F8: variants seen among roughly 807,000 people sequenced by gnomAD.
F8 encodes the protein antihemophilic factor.
F8 carries 12 observed loss-of-function variants against 140.6 expected under a neutral mutation model. The observed-to-expected ratio is 0.09, with a 90% CI of 0.05 to 0.14. F8 has a LOEUF of 0.14. F8 is among the 10% of genes least tolerant of loss of function. The pLI is 1.00. For missense variants in F8, 1,354 were observed against 1,720.7 expected (o/e 0.79, Z 3.77); for synonymous variants, 585 against 614.6 (o/e 0.95, Z 0.71).
Position 154,972,707 on chromosome X carries a change from C to CTTTTTTTTTTTT in F8, c.788-3167_788-3156dup, listed in dbSNP as rs1184930129. Among the ~76,000 whole-genome samples, 26 of 55,281 alleles carry CTTTTTTTTTTTT rather than the reference C, an allele frequency of 4.7e-4. 2 individuals are homozygous for CTTTTTTTTTTTT. Among genetic ancestry groups the CTTTTTTTTTTTT allele is most frequent in the African/African-American group, 6.1e-4 (9 of 14,660 alleles). 48.0% of individuals were successfully genotyped at this position (55,281 alleles called of 115,157 possible). On this transcript the variant is annotated intron_variant, in intron 6 of 25. Transcript: ENST00000360256. ...GTTCTTTTCTTTTCTTTCTGTCTTT[C>CTTTTTTTTTTTT]TTTTTTTTTTTTTTTTTTTTTTTTT...
At chrX:154,982,464 AAT>A (rs782606425) in intron 6 of F8, among the ~76,000 whole-genome samples, 402 of 83,378 alleles carry the variant, frequency 4.8e-3, no homozygotes, top group African/African-American at 0.017. Context: ...AAAAAAAAAA[AAT>A]ATATATATAT....
chrX:154,913,033 A>T (rs1180652224), intron 14 of F8, among the ~76,000 whole-genome samples: 1 of 110,997 alleles, frequency 9.0e-6, no homozygotes, highest in Non-Finnish European at 1.9e-5. Flanking sequence ...ATGAAATGTA[A>T]GGCAAAAATT....
chrX:154,975,308 C>A (rs1398489908), intron 6 of F8, among the ~76,000 whole-genome samples: 1 of 111,836 alleles, frequency 8.9e-6, no homozygotes, highest in Non-Finnish European at 1.9e-5. Flanking sequence ...AATTTTTTAA[C>A]TTCTCCTTTA....
chrX:154,930,169 G>C lies in F8; in HGVS notation c.3621C>G (p.His1207Gln). 6 of 1,204,493 alleles carry C rather than the reference G, an allele frequency of 5.0e-6. No individual in the cohort carries two copies. Among genetic ancestry groups the C allele is most frequent in the Non-Finnish European group, 6.7e-6 (6 of 892,317 alleles). The change falls in exon 14 of 26, where the codon CAC (histidine) becomes CAG (glutamine). Residue 1207 changes from histidine to glutamine, a missense_variant. By Grantham distance (24) the His-to-Gln change is conservative. Coordinates refer to ENST00000360256, the MANE Select transcript of F8 (RefSeq NM_000132.4). ...CTTCCTGAATTTTTTTTTCTTGATTGTGTGTATTATTTTCATGTAAATTAT... is the reference window on the plus strand; with the variant it reads ...CTTCCTGAATTTTTTTTTCTTGATTCTGTGTATTATTTTCATGTAAATTAT... Reference protein sequence around the residue: ...NLDNLHENNTHNQEKKIQEEI... With the variant: ...NLDNLHENNTQNQEKKIQEEI...
chrX:154,854,051 CTG>C (rs1293880470), intron 25 of F8, among the ~76,000 whole-genome samples: 1 of 111,829 alleles, frequency 8.9e-6, no homozygotes, highest in Non-Finnish European at 1.9e-5. Flanking sequence ...AACAGAAACT[CTG>C]TACTCATTAA....
chrX:154,839,431 C>T (rs1202968662), intron 25 of F8, among the ~76,000 whole-genome samples: 1 of 106,199 alleles, frequency 9.4e-6, no homozygotes, highest in Non-Finnish European at 1.9e-5. Context: ...GGCACCATCT[C>T]GGCTCACTGC....
intron 14 of F8, among the ~76,000 whole-genome samples, chrX:154,926,374 T>C (rs1459021621): frequency 9.0e-6 from 1 of 110,984 alleles, no homozygotes; most frequent in Non-Finnish European, 1.9e-5. Context: ...TAGGGAATGG[T>C]TTTACTTATT....
chrX:154,917,481 C>T (rs1362670156), intron 14 of F8, among the ~76,000 whole-genome samples: 3 of 111,963 alleles, frequency 2.7e-5, no homozygotes, highest in African/African-American at 9.7e-5. Context: ...TGGATACTTA[C>T]ATCTCTCTGT....
chrX:154,928,779 G>A lies in F8; in HGVS notation c.5011C>T (p.Arg1671Cys), dbSNP rs781989178. 1.7e-6 allele frequency: 2 copies of A among 1,211,338 alleles called. No homozygotes were observed. Among genetic ancestry groups the A allele is most frequent in the African/African-American group, 3.5e-5 (2 of 57,776 alleles). The change falls in exon 14 of 26, where the codon CGT becomes TGT. Residue 1671 changes from arginine to cysteine, a missense_variant. Around this residue, in one of 4 missense-constraint regions of F8, gnomAD observed 658 missense variants for 666.5 expected, o/e 0.99. Coordinates refer to ENST00000360256, the MANE Select transcript of F8 (RefSeq NM_000132.4). ...TCTTGATCTGACTGAAGAGTAGTAC[G>A]AGTTATTTCCCGTTGATGGCGTTTC... is the stretch of plus-strand genomic sequence containing the variant. Reference protein sequence around the residue: ...VLKRHQREITRTTLQSDQEEI... With the variant: ...VLKRHQREITCTTLQSDQEEI...
chrX:154,901,262 A>G (rs2073008164), intron 20 of F8, 109 bp downstream of exon 20: 1 of 588,326 alleles, frequency 1.7e-6, no homozygotes, highest in South Asian at 2.4e-5. Context: ...CTTATGGAAT[A>G]GAACTAATAG....
At chrX:154,838,014 G>C (rs2072488734) in intron 25 of F8, among the ~76,000 whole-genome samples, 1 of 111,978 alleles carries the variant, frequency 8.9e-6, no homozygotes, top group Non-Finnish European at 1.9e-5. Flanking sequence ...CTTTGTCCTG[G>C]GTCACACACA....
chrX:154,967,201 G>A (rs2073430245), intron 7 of F8, among the ~76,000 whole-genome samples: 1 of 110,780 alleles, frequency 9.0e-6, no homozygotes, highest in African/African-American at 3.3e-5. Flanking sequence ...ACAAATCATT[G>A]ATTTAATAAC....
chrX:154,940,243 T>A lies in F8; in HGVS notation c.2113+7455A>T, dbSNP rs377211336. Among the ~76,000 whole-genome samples, 13 of 111,004 alleles carry A rather than the reference T, an allele frequency of 1.2e-4. No individual in the cohort carries two copies. The East Asian group carries it at 3.4e-3, about 29-fold the overall frequency. On this transcript the variant is annotated intron_variant, in intron 13 of 25. Coordinates refer to ENST00000360256, the MANE Select transcript of F8 (RefSeq NM_000132.4). ...AGCTAAAGGAAGAAGTTCGAACCAA[T>A]GGCAAAGAAGTTATAAACTTTGAAA...
chrX:154,854,442 G>A (rs376282456), intron 25 of F8, among the ~76,000 whole-genome samples: 2 of 111,704 alleles, frequency 1.8e-5, no homozygotes, highest in African/African-American at 6.5e-5. Context: ...CTTTGGGCTC[G>A]AACTAAAACA....
intron 4 of F8, among the ~76,000 whole-genome samples, chrX:154,990,188 T>C (rs1410002133): frequency 8.9e-6 from 1 of 112,274 alleles, no homozygotes; most frequent in Non-Finnish European, 1.9e-5. Flanking sequence ...ATGTAAGTAT[T>C]GATATGTTTA....
In F8 at chrX:154,906,452, A is replaced by G; in HGVS notation, c.5341T>C (p.Tyr1781His). 1.7e-6 allele frequency: 2 copies of G among 1,210,073 alleles called. No individual in the cohort carries two copies. Among genetic ancestry groups the G allele is most frequent in the Non-Finnish European group, 2.2e-6 (2 of 894,181 alleles). The change falls in exon 15 of 26, where the codon TAT (tyrosine) becomes CAT (histidine). Residue 1781 changes from tyrosine (Y) to histidine (H), a missense_variant. This residue lies in a region of F8 where 316 missense variants were observed against 485.4 expected (regional missense o/e 0.65). Coordinates refer to ENST00000360256, the MANE Select transcript of F8 (RefSeq NM_000132.4). The part of the protein sequence containing the change: ...LNEHLGLLGP[Y>H]IRAEVEDNIM... ...TTATCTTCAACTTCTGCTCTTATAT[A>G]TGGCCCCAGGAGTCCCAAATGTTCA...
chrX:154,975,981 C>T (rs1342042873), intron 6 of F8, among the ~76,000 whole-genome samples: 2 of 111,453 alleles, frequency 1.8e-5, no homozygotes, highest in South Asian at 3.8e-4. Context: ...CTGCAAGCTC[C>T]GCCTCCCGGG....
chrX:154,892,336 G>A (rs1440977135), intron 22 of F8, among the ~76,000 whole-genome samples: 1 of 112,213 alleles, frequency 8.9e-6, no homozygotes, highest in East Asian at 2.8e-4. Context: ...ATGCCCTCTA[G>A]GGCTGTAAGA....
At chrX:154,860,976 C>T (rs1299267989) in intron 24 of F8, among the ~76,000 whole-genome samples, 4 of 111,911 alleles carry the variant, frequency 3.6e-5, no homozygotes, top group African/African-American at 1.3e-4. Flanking sequence ...GGATTACAGG[C>T]GTGAGCCACT....
Sources: allele counts gnomAD v4.1 joint callset (sites outside exome capture counted in the v4.1 genomes callset), GRCh38; gene constraint gnomAD v4.1.1; regional missense constraint gnomAD v4.1.1; transcripts MANE v1.5; gene names NCBI Gene and HGNC (gene_info 2026-07-23, HGNC 2026-07-21).